GRID2: variants seen among roughly 807,000 people sequenced by gnomAD.
GRID2 encodes glutamate ionotropic receptor delta type subunit 2.
GRID2 carries 33 observed loss-of-function variants against 114.8 expected under a neutral mutation model. The ratio of observed to expected loss-of-function variants is 0.29; its 90% CI spans 0.22 to 0.38. The LOEUF is 0.38. Among genes scored for constraint, GRID2 ranks in the 10% least tolerant of loss-of-function variants. GRID2 has a pLI of 1.00. For synonymous variants in GRID2, 505 were observed against 449.9 expected, an observed-to-expected ratio of 1.12 and a Z score of -1.55; for missense variants, 1,184 against 1,257.7, an observed-to-expected ratio of 0.94 and a Z score of 0.89.
At chr4:93,663,881 G>A (rs1332509745) in intron 14 of GRID2, among the ~76,000 whole-genome samples, 1 of 152,138 alleles carries the variant, frequency 6.6e-6, no homozygotes, top group Non-Finnish European at 1.5e-5. Context: ...TGCTATGTGG[G>A]ATCATCTTTC....
At chr4:93,329,040 T>G (rs1459541774) in intron 8 of GRID2, among the ~76,000 whole-genome samples, 1 of 152,102 alleles carries the variant, frequency 6.6e-6, no homozygotes, top group Non-Finnish European at 1.5e-5. Context: ...ACTTATTTAA[T>G]AAATGAATTA....
At chr4:92,464,749 G>A (rs1367945883) in intron 1 of GRID2, among the ~76,000 whole-genome samples, 1 of 152,066 alleles carries the variant, frequency 6.6e-6, no homozygotes, top group Admixed American at 6.6e-5. Flanking sequence ...ATTAAGAAAG[G>A]ATTTATAAAA....
rs1466710737 is a variant in GRID2, at chr4:93,655,048, TACCTTTTGATCTTACCCATACTTCAGAA to T, written c.2360+28614_2360+28641del. Among the ~76,000 whole-genome samples, 3 of 152,204 alleles carry T rather than the reference TACCTTTTGATCTTACCCATACTTCAGAA, an allele frequency of 2.0e-5. No homozygotes were observed. In the East Asian group the frequency reaches 5.8e-4, roughly 29 times the overall value. The stretch of plus-strand genomic sequence containing the variant: ...TGCCCCATTTGGCTGCTCTTTTCTC[TACCTTTTGATCTTACCCATACTTCAGAA>T]CTGAACACCATATAAGTACCATAGA... On this transcript the variant is annotated intron_variant, in intron 14 of 15. Transcript: ENST00000282020.
intron 2 of GRID2, among the ~76,000 whole-genome samples, chr4:92,698,793 A>G (rs1043481367): frequency 1.3e-5 from 2 of 152,132 alleles, no homozygotes; most frequent in Non-Finnish European, 2.9e-5. Context: ...TAAAAAGAGA[A>G]GTGTTTCTTA....
chr4:92,825,078 T>C (rs1270856788), intron 2 of GRID2, among the ~76,000 whole-genome samples: 1 of 152,120 alleles, frequency 6.6e-6, no homozygotes, highest in African/African-American at 2.4e-5. Context: ...TATCTGCCCA[T>C]TTAAGAAATA....
intron 2 of GRID2, among the ~76,000 whole-genome samples, chr4:93,057,836 C>T (rs1727406908): frequency 6.6e-6 from 1 of 151,898 alleles, no homozygotes; most frequent in Non-Finnish European, 1.5e-5. Context: ...GCAGTGAGCT[C>T]AGGTAGGATT....
At chr4:92,491,342 G>A (rs994192387) in intron 1 of GRID2, among the ~76,000 whole-genome samples, 1 of 151,962 alleles carries the variant, frequency 6.6e-6, no homozygotes, top group African/African-American at 2.4e-5. Flanking sequence ...TAAGAGCTCC[G>A]GTCCTGTTTT....
At chr4:92,890,289 A>G (rs948366250) in intron 2 of GRID2, among the ~76,000 whole-genome samples, 5 of 152,162 alleles carry the variant, frequency 3.3e-5, no homozygotes, top group African/African-American at 9.7e-5. Context: ...ACTAAAGAGC[A>G]TCTGCACAGC....
intron 2 of GRID2, among the ~76,000 whole-genome samples, chr4:92,834,352 T>G (rs879261644): frequency 6.6e-5 from 10 of 152,200 alleles, no homozygotes; most frequent in Non-Finnish European, 1.2e-4. Context: ...AGAGTTTAAA[T>G]GTTTCTATTT....
intron 2 of GRID2, among the ~76,000 whole-genome samples, chr4:92,769,950 T>C (rs1738458289): frequency 6.6e-6 from 1 of 152,240 alleles, no homozygotes; most frequent in Non-Finnish European, 1.5e-5. Flanking sequence ...TCATTACTTA[T>C]GCAAATTTCT....
chr4:93,099,852 G>A (rs1731550418), intron 3 of GRID2, among the ~76,000 whole-genome samples: 1 of 151,828 alleles, frequency 6.6e-6, no homozygotes, highest in Admixed American at 6.6e-5. Flanking sequence ...TTTATTCTGT[G>A]TAGTCTTGAT....
intron 7 of GRID2, 146 bp downstream of exon 7, chr4:93,224,921 TGA>T (rs910870299): frequency 1.6e-6 from 1 of 606,186 alleles, no homozygotes; most frequent in Non-Finnish European, 2.8e-6. Flanking sequence ...AGAAAAAAGG[TGA>T]GAGAGTCATC....
At chr4:93,352,029 A>G (rs1474931286) in intron 8 of GRID2, among the ~76,000 whole-genome samples, 1 of 152,020 alleles carries the variant, frequency 6.6e-6, no homozygotes, top group African/African-American at 2.4e-5. Flanking sequence ...TACTCTTATC[A>G]TCATTTTACA....
chr4:93,741,299 G>T (rs1170901870), intron 14 of GRID2, among the ~76,000 whole-genome samples: 1 of 149,908 alleles, frequency 6.7e-6, no homozygotes, highest in Admixed American at 6.7e-5. Flanking sequence ...TGCTCCTCAT[G>T]TAAATTGCTA....
intron 8 of GRID2, among the ~76,000 whole-genome samples, chr4:93,239,758 C>T (rs1039986384): frequency 4.6e-5 from 7 of 151,652 alleles, no homozygotes; most frequent in Middle Eastern, 3.4e-3. Context: ...CTCTGATTAC[C>T]GTCAGACCAT....
At chr4:92,768,748 A>T (rs576556494) in intron 2 of GRID2, among the ~76,000 whole-genome samples, 1 of 152,264 alleles carries the variant, frequency 6.6e-6, no homozygotes, top group Non-Finnish European at 1.5e-5. Flanking sequence ...ATAAACTCCC[A>T]TTTTTAAACC....
chr4:92,426,211 T>A (rs2110332730), intron 1 of GRID2, among the ~76,000 whole-genome samples: 1 of 152,252 alleles, frequency 6.6e-6, no homozygotes, highest in South Asian at 2.1e-4. Context: ...AAACTATAAC[T>A]AATAATAAGA....
At chr4:93,716,707 C>G (rs1024453515) in intron 14 of GRID2, among the ~76,000 whole-genome samples, 2 of 151,830 alleles carry the variant, frequency 1.3e-5, no homozygotes, top group Non-Finnish European at 2.9e-5. Flanking sequence ...TCAATACATA[C>G]TTAAATATTA....
chr4:93,132,787 C>A (rs552987431), intron 4 of GRID2, among the ~76,000 whole-genome samples: 3 of 152,246 alleles, frequency 2.0e-5, no homozygotes, highest in Admixed American at 2.0e-4. Context: ...AGAATTCACA[C>A]AGAAAAGTGC....
Sources: allele counts gnomAD v4.1 joint callset (sites outside exome capture counted in the v4.1 genomes callset), GRCh38; gene constraint gnomAD v4.1.1; transcripts MANE v1.5; gene names NCBI Gene and HGNC (gene_info 2026-07-23, HGNC 2026-07-21).